The following STXBP5L variants were observed in gnomAD, a reference collection of about 807,000 sequenced individuals.
STXBP5L encodes syntaxin binding protein 5L, also known as syntaxin-binding protein 5-like.
In STXBP5L, 65 loss-of-function variants were observed where a neutral mutation model predicts 144.5. The observed-to-expected ratio is 0.45, with a 90% CI of 0.37 to 0.55. The LOEUF is 0.55. Among genes scored for constraint, STXBP5L ranks in the 20% least tolerant of loss-of-function variants. The probability of loss-of-function intolerance (pLI) is 0.00; values close to 1 mark genes in which losing one functional copy is unlikely to be tolerated. For synonymous variants in STXBP5L, 505 were observed against 469.6 expected, an observed-to-expected ratio of 1.08 and a Z score of -0.97; for missense variants, 1,298 against 1,405.5, an observed-to-expected ratio of 0.92 and a Z score of 1.22.
rs2108678631 is a variant in STXBP5L, at chr3:121,378,740, G to A, written c.2201G>A (p.Ser734Asn). 1.2e-6 allele frequency: 2 copies of A among 1,613,596 alleles called. No individual in the cohort carries two copies. The highest frequency in any genetic ancestry group is 8.5e-7 in the Non-Finnish European group (1 of 1,179,772). ...GACCATGTAAATGGACACTGCACAA[G>A]TCCAACTTCTCAGAGTTGCAGTTCT... ...TSDHVNGHCTSPTSQSCSSGK... is the reference protein window; with the variant it reads ...TSDHVNGHCTNPTSQSCSSGK... Residue 734 changes from serine to asparagine, a missense_variant, in exon 21 of 27, where the codon AGT (serine) becomes AAT (asparagine). By Grantham distance (46) the Ser-to-Asn change is conservative. Transcript: ENST00000471454.
chr3:121,204,916 C>G (rs2048279322), intron 9 of STXBP5L, among the ~76,000 whole-genome samples: 1 of 151,960 alleles, frequency 6.6e-6, no homozygotes, highest in Non-Finnish European at 1.5e-5. Flanking sequence ...ATAACCCATC[C>G]CCTATAAGAA....
chr3:121,218,497 CA>C (rs1197001247), intron 10 of STXBP5L, among the ~76,000 whole-genome samples: 57 of 151,410 alleles, frequency 3.8e-4, no homozygotes, highest in African/African-American at 1.4e-3. Flanking sequence ...GCAGTAGAGG[CA>C]AGGACATAAA....
At chr3:121,118,192 A>G (rs1271596737) in intron 6 of STXBP5L, among the ~76,000 whole-genome samples, 1 of 151,702 alleles carries the variant, frequency 6.6e-6, no homozygotes. Flanking sequence ...ATGGAGGCAA[A>G]GTTAAATAAA....
intron 11 of STXBP5L, 129 bp downstream of exon 11, chr3:121,223,286 C>T: frequency 1.1e-6 from 1 of 910,458 alleles, no homozygotes; most frequent in Admixed American, 3.2e-5. Flanking sequence ...AGTGCTGGAA[C>T]AGGTTCTGCA....
At chr3:121,087,884 A>C (rs2042575727) in intron 5 of STXBP5L, among the ~76,000 whole-genome samples, 1 of 152,128 alleles carries the variant, frequency 6.6e-6, no homozygotes, top group South Asian at 2.1e-4. Flanking sequence ...CAAACAACTT[A>C]CTGGAATCTA....
chr3:121,137,672 A>G (rs1361380237), intron 7 of STXBP5L, among the ~76,000 whole-genome samples: 1 of 152,194 alleles, frequency 6.6e-6, no homozygotes, highest in Non-Finnish European at 1.5e-5. Context: ...AGAATGAAGG[A>G]CAAAAACCAT....
chr3:120,976,556 C>G (rs1442187868), intron 3 of STXBP5L, among the ~76,000 whole-genome samples: 1 of 152,020 alleles, frequency 6.6e-6, no homozygotes, highest in Non-Finnish European at 1.5e-5. Context: ...CAGTTCTGCT[C>G]TGATTTTAGT....
intron 5 of STXBP5L, among the ~76,000 whole-genome samples, chr3:121,103,165 TACCATTTG>T (rs1205333053): frequency 6.6e-6 from 1 of 152,094 alleles, no homozygotes; most frequent in African/African-American, 2.4e-5. Flanking sequence ...AAAACTGAGC[TACCATTTG>T]ACCCAGAAAT....
chr3:121,322,081 G>T (rs1466963585), intron 20 of STXBP5L, among the ~76,000 whole-genome samples: 2 of 151,958 alleles, frequency 1.3e-5, no homozygotes, highest in African/African-American at 4.8e-5. Flanking sequence ...CCAATGTTTA[G>T]CTCTCACTTA....
intron 20 of STXBP5L, among the ~76,000 whole-genome samples, chr3:121,374,010 C>A (rs1418213719): frequency 6.6e-6 from 1 of 152,212 alleles, no homozygotes; most frequent in East Asian, 1.9e-4. Flanking sequence ...ACTACCACCA[C>A]TGACACCTGC....
intron 21 of STXBP5L, among the ~76,000 whole-genome samples, chr3:121,380,973 T>C (rs1354314544): frequency 6.6e-6 from 1 of 152,106 alleles, no homozygotes; most frequent in African/African-American, 2.4e-5. Flanking sequence ...ACCATTACTA[T>C]TTAGACTAAA....
intron 3 of STXBP5L, among the ~76,000 whole-genome samples, chr3:121,007,743 C>A (rs374101886): frequency 3.3e-5 from 5 of 151,902 alleles, no homozygotes; most frequent in East Asian, 1.9e-4. Flanking sequence ...GTAGTTGAAG[C>A]TTGCACTGCT....
chr3:121,005,402 C>G (rs1944200197), intron 3 of STXBP5L, among the ~76,000 whole-genome samples: 2 of 152,136 alleles, frequency 1.3e-5, no homozygotes, highest in East Asian at 1.9e-4. Context: ...GTGATATCCC[C>G]TTTATCATGT....
At chr3:121,345,475 G>A (rs868435687) in intron 20 of STXBP5L, among the ~76,000 whole-genome samples, 21 of 152,052 alleles carry the variant, frequency 1.4e-4, no homozygotes, top group Admixed American at 3.9e-4. Context: ...ACATACGTGT[G>A]CATATGTCTT....
At chr3:121,039,921 A>T (rs899686244) in intron 3 of STXBP5L, among the ~76,000 whole-genome samples, 18 of 151,776 alleles carry the variant, frequency 1.2e-4, no homozygotes, top group East Asian at 3.8e-4. Context: ...AATTTTTTTA[A>T]AAAAATCTCT....
intron 20 of STXBP5L, among the ~76,000 whole-genome samples, chr3:121,339,202 A>G (rs965414049): frequency 3.3e-5 from 5 of 152,192 alleles, no homozygotes; most frequent in African/African-American, 1.2e-4. Flanking sequence ...CCAACAGCAC[A>G]TCAAAAAGGT....
intron 10 of STXBP5L, among the ~76,000 whole-genome samples, chr3:121,216,540 G>A (rs773427576): frequency 6.6e-6 from 1 of 152,192 alleles, no homozygotes; most frequent in African/African-American, 2.4e-5. Context: ...ATTGCTGCCT[G>A]TTCCTTCCTC....
At position 121,421,652 on chromosome 3, in the gene STXBP5L, A is replaced by G. The variant is rs1432999039; in HGVS notation, c.*2555A>G. On this transcript the variant is annotated 3_prime_UTR_variant, in exon 27 of 27. Coordinates refer to ENST00000471454, the MANE Select transcript of STXBP5L (RefSeq NM_001308330.2). ...AAAATTACATGTGTGGTTCATATGC[A>G]ATAAGATACAATTTTGAAGAAAGCT... 1 of 152,242 alleles carries G rather than the reference A, an allele frequency of 6.6e-6. No homozygotes were observed. The highest frequency in any genetic ancestry group is 2.4e-5 in the African/African-American group (1 of 41,468). 9.4% of individuals were successfully genotyped at this position (152,242 alleles called of 1,614,324 possible). A position where few individuals can be genotyped will look rare whatever the true frequency, so the allele number is the denominator to read the frequency against.
chr3:120,948,391 T>C (rs2107675838), intron 2 of STXBP5L, among the ~76,000 whole-genome samples: 1 of 151,946 alleles, frequency 6.6e-6, no homozygotes, highest in South Asian at 2.1e-4. Flanking sequence ...TATTTTCCCA[T>C]TCTGTGGATT....
Sources: gnomAD v4.1 joint callset for allele counts (sites outside exome capture counted in the v4.1 genomes callset) on GRCh38, gnomAD v4.1.1 for gene constraint, MANE v1.5 for transcripts, NCBI Gene and HGNC (gene_info 2026-07-23, HGNC 2026-07-21) for gene names.